The following CHD9 variants were observed in gnomAD, a reference collection of about 807,000 sequenced individuals.
CHD9 encodes the protein chromodomain helicase DNA binding protein 9.
CHD9 carries 77 observed loss-of-function variants against 316.1 expected under a neutral mutation model. The observed-to-expected ratio is 0.24, with a 90% CI of 0.20 to 0.29. The LOEUF (loss-of-function observed/expected upper bound fraction) is 0.29. CHD9 is among the 10% of genes least tolerant of loss of function. CHD9 has a pLI of 1.00. For missense variants in CHD9, 2,763 were observed against 3,438.1 expected, an observed-to-expected ratio of 0.80 and a Z score of 4.91; for synonymous variants, 1,129 against 1,158.3, an observed-to-expected ratio of 0.97 and a Z score of 0.51.
At chr16:53,169,158 C>T (rs1007395936) in intron 2 of CHD9, 2 of 152,280 alleles carry the variant, frequency 1.3e-5, no homozygotes, top group African/African-American at 4.8e-5. Flanking sequence ...CCACAGTGAT[C>T]TGATATCATG....
chr16:53,251,630 G>T (rs2050136723), intron 17 of CHD9, among the ~76,000 whole-genome samples: 1 of 152,154 alleles, frequency 6.6e-6, no homozygotes, highest in Admixed American at 6.5e-5. Context: ...TAATTTGTCT[G>T]AAGATAATGG....
Position 53,252,088 on chromosome 16 carries a change from A to C in CHD9, c.3861+2022A>C, listed in dbSNP as rs1405558366. Among the ~76,000 whole-genome samples, 3 of 152,180 alleles carry C rather than the reference A, an allele frequency of 2.0e-5. No individual in the cohort carries two copies. In the East Asian group the frequency reaches 5.8e-4, roughly 29 times the overall value. On this transcript the variant is annotated intron_variant, in intron 17 of 38. Coordinates refer to ENST00000447540, the MANE Select transcript of CHD9 (RefSeq NM_001308319.2). Reference sequence around the variant, plus strand: ...TATAGAACCAAAAAAGAGCCCGCATAGCCAAAGCAAGACTAAGCCAAAAGA... The same window carrying C: ...TATAGAACCAAAAAAGAGCCCGCATCGCCAAAGCAAGACTAAGCCAAAAGA...
intron 1 of CHD9, among the ~76,000 whole-genome samples, chr16:53,056,169 G>T (rs1249694560): frequency 6.6e-6 from 1 of 152,154 alleles, no homozygotes; most frequent in Non-Finnish European, 1.5e-5. Context: ...GGGATTATAG[G>T]CATGAGCCGC....
chr16:53,114,744 C>A (rs1203921924), intron 1 of CHD9, among the ~76,000 whole-genome samples: 2 of 151,980 alleles, frequency 1.3e-5, no homozygotes, highest in Admixed American at 6.6e-5. Context: ...CCTGCCACCA[C>A]GTCTGGCTAA....
chr16:53,098,137 C>A (rs1319861217), intron 1 of CHD9, among the ~76,000 whole-genome samples: 5 of 151,490 alleles, frequency 3.3e-5, no homozygotes, highest in Admixed American at 6.6e-5. Context: ...AAAATTGGAA[C>A]CAACTGTTTT....
At chr16:53,284,794 T>G (rs913204935) in intron 24 of CHD9, among the ~76,000 whole-genome samples, 5 of 152,196 alleles carry the variant, frequency 3.3e-5, no homozygotes, top group Non-Finnish European at 7.3e-5. Flanking sequence ...AGACAGGGTC[T>G]CATTCCCGCG....
At chr16:53,144,994 CAAAAA>C (rs60107956) in intron 1 of CHD9, among the ~76,000 whole-genome samples, 1 of 113,518 alleles carries the variant, frequency 8.8e-6, no homozygotes. Flanking sequence ...GACCCTGTCT[CAAAAA>C]AAAAAAAAAA....
chr16:53,288,797 G>A (rs986708134), intron 27 of CHD9, among the ~76,000 whole-genome samples: 1 of 152,050 alleles, frequency 6.6e-6, no homozygotes, highest in Admixed American at 6.6e-5. Flanking sequence ...TGTTTCCCTT[G>A]AGAATTTGTA....
At chr16:53,174,570 A>G (rs978048213) in intron 2 of CHD9, among the ~76,000 whole-genome samples, 2 of 152,048 alleles carry the variant, frequency 1.3e-5, no homozygotes, top group Non-Finnish European at 2.9e-5. Context: ...TTAACATGGT[A>G]TATCTTTTTC....
At chr16:53,211,566 A>C (rs962457509) in intron 3 of CHD9, among the ~76,000 whole-genome samples, 4 of 152,204 alleles carry the variant, frequency 2.6e-5, no homozygotes, top group Non-Finnish European at 4.4e-5. Context: ...AATATTGAGT[A>C]GTTGCTAGAA....
At chr16:53,224,019 G>T (rs1434987190) in intron 4 of CHD9, among the ~76,000 whole-genome samples, 2 of 152,036 alleles carry the variant, frequency 1.3e-5, no homozygotes, top group Non-Finnish European at 2.9e-5. Context: ...AAAGAAATAT[G>T]CCCCTGCAAC....
Position 53,122,638 on chromosome 16 carries a change from A to G in CHD9, c.-164-33288A>G, listed in dbSNP as rs552823040. The stretch of plus-strand genomic sequence containing the variant: ...TGTCTCACTGCAAACTCCACCTCCC[A>G]GGTTCAAGAAGTTCTCTTGCCTTAG... On this transcript the variant is annotated intron_variant, in intron 1 of 38. Coordinates refer to ENST00000447540, the MANE Select transcript of CHD9 (RefSeq NM_001308319.2). Among the ~76,000 whole-genome samples, 24 of 147,268 alleles carry G rather than the reference A, an allele frequency of 1.6e-4. No homozygotes were observed. The East Asian group carries it at 4.2e-3, about 26-fold the overall frequency.
chr16:53,071,481 C>G (rs570889614), intron 1 of CHD9, among the ~76,000 whole-genome samples: 1 of 152,210 alleles, frequency 6.6e-6, no homozygotes, highest in East Asian at 1.9e-4. Flanking sequence ...GCGAGTTCCT[C>G]TTCCTGGGGT....
chr16:53,313,454 C>T (rs1444259436), intron 34 of CHD9, among the ~76,000 whole-genome samples: 12 of 152,020 alleles, frequency 7.9e-5, no homozygotes, highest in South Asian at 6.2e-4. Flanking sequence ...TACAGGTGCC[C>T]GCCACCACGC....
chr16:53,157,469 T>A lies in CHD9; in HGVS notation c.1380T>A (p.Ala460=), dbSNP rs751991715. The A allele has an allele frequency of 6.2e-7, 1 of 1,613,962 alleles. No individual in the cohort carries two copies. The change falls in exon 2 of 39, where the codon GCT becomes GCA. Residue 460 remains alanine, a synonymous_variant. Coordinates refer to ENST00000447540, the MANE Select transcript of CHD9 (RefSeq NM_001308319.2). ...DMAQTQLQSQ[A]RSWHSSFSNH... ...CTCAGACTCAGTTGCAAAGTCAGGC[T>A]CGGAGTTGGCATTCATCATTTTCTA...
At chr16:53,210,926 C>A (rs1037136963) in intron 3 of CHD9, among the ~76,000 whole-genome samples, 3 of 151,980 alleles carry the variant, frequency 2.0e-5, no homozygotes, top group Non-Finnish European at 4.4e-5. Context: ...TTGCAGACAG[C>A]TAAAATGAAA....
chr16:53,108,752 G>T (rs1346009433), intron 1 of CHD9, among the ~76,000 whole-genome samples: 1 of 151,496 alleles, frequency 6.6e-6, no homozygotes, highest in Non-Finnish European at 1.5e-5. Flanking sequence ...GTGGGTGCCT[G>T]TAATCCCAGC....
intron 1 of CHD9, among the ~76,000 whole-genome samples, chr16:53,062,561 G>A (rs1292402928): frequency 6.6e-6 from 1 of 151,692 alleles, no homozygotes; most frequent in Non-Finnish European, 1.5e-5. Context: ...GGGCAACATA[G>A]TGAGACCCCA....
At chr16:53,163,435 A>G (rs1597231137) in intron 2 of CHD9, among the ~76,000 whole-genome samples, 2 of 152,224 alleles carry the variant, frequency 1.3e-5, no homozygotes, top group South Asian at 2.1e-4. Flanking sequence ...GTCTTGAACT[A>G]CCGACCTCAG....
Sources: allele counts gnomAD v4.1 joint callset (sites outside exome capture counted in the v4.1 genomes callset), GRCh38; gene constraint gnomAD v4.1.1; transcripts MANE v1.5; gene names NCBI Gene and HGNC (gene_info 2026-07-23, HGNC 2026-07-21).